Variants in SLC9A7 observed in about 807,000 individuals in gnomAD.
The protein encoded by SLC9A7 is sodium/hydrogen exchanger 7.
Under a neutral mutation model 52.6 loss-of-function variants are expected in SLC9A7, and 19 were observed. The observed-to-expected ratio is 0.36, with a 90% CI of 0.25 to 0.53. SLC9A7 has a LOEUF of 0.53. Among genes scored for constraint, SLC9A7 ranks in the 20% least tolerant of loss-of-function variants. The pLI, the probability that SLC9A7 is intolerant of heterozygous loss-of-function variation, is 0.91. For synonymous variants in SLC9A7, 226 were observed against 252.1 expected (o/e 0.90, Z 0.98); for missense variants, 455 against 597.9 (o/e 0.76, Z 2.49).
intron 1 of SLC9A7, among the ~76,000 whole-genome samples, chrX:46,700,090 G>A (rs6521139): frequency 0.24 from 25,216 of 105,812 alleles, 2,524 homozygotes; most frequent in East Asian, 0.55. Context: ...GAGTGACAGC[G>A]AAACCTTGTC....
rs187076669 is a variant in SLC9A7 at position 46,731,693 on chromosome X, T to A, written c.325+27012A>T. ...CAACAAACTTCTAAGAAGGAGGAAA[T>A]ACATAAGCAAAGCTAAAAAGGAAAA... is the stretch of plus-strand genomic sequence containing the variant. On this transcript the variant is annotated intron_variant, in intron 1 of 16. Transcript: ENST00000616978. 3.2e-4 allele frequency among the ~76,000 whole-genome samples: 35 copies of A among 109,736 alleles called. No homozygotes were observed. The East Asian group carries it at 8.5e-3, about 27-fold the overall frequency.
Position 46,605,263 on chromosome X carries a change from G to T in SLC9A7, c.*1689C>A, listed in dbSNP as rs142265439. On this transcript the variant is annotated 3_prime_UTR_variant, in exon 17 of 17. Transcript: ENST00000616978. ...TATTGAAAGCATTTTTTAGAAATTG[G>T]GTTGCCAAAAATAAGCTAGCACTGA... The T allele has an allele frequency of 1.8e-5, 2 of 110,428 alleles. No individual in the cohort carries two copies. Among genetic ancestry groups the T allele is most frequent in the Non-Finnish European group, 3.8e-5 (2 of 52,781 alleles). 9.1% of individuals were successfully genotyped at this position (110,428 alleles called of 1,213,427 possible).
chrX:46,616,339 C>A (rs779321689), intron 15 of SLC9A7, among the ~76,000 whole-genome samples: 1,229 of 98,486 alleles, frequency 0.012, 19 homozygotes, highest in African/African-American at 0.043. Flanking sequence ...CCCACCCCCC[C>A]AAAAAAAAAC....
At chrX:46,713,639 G>C (rs1023052617) in intron 1 of SLC9A7, among the ~76,000 whole-genome samples, 1 of 110,570 alleles carries the variant, frequency 9.0e-6, no homozygotes, top group Non-Finnish European at 1.9e-5. Context: ...TCAAGTTAGT[G>C]CCCTAGGTTC....
Position 46,662,082 on chromosome X carries a change from G to A in SLC9A7, c.975C>T (p.Gly325=), listed in dbSNP as rs1231106985. The change falls in exon 7 of 17, where the codon GGC becomes GGT. Residue 325 remains glycine, a synonymous_variant. Coordinates refer to ENST00000616978, the MANE Select transcript of SLC9A7 (RefSeq NM_001257291.2). ...FDAAAFFKSV[G]IFLGIFSGSF... The stretch of plus-strand genomic sequence containing the variant: ...AGCCACTAAATATACCTAGAAAAAT[G>A]CCAACTGACTTAAAAAAGGCAGCAG... The A allele has an allele frequency of 8.3e-7, 1 of 1,206,937 alleles. No individual in the cohort carries two copies.
At chrX:46,609,899 G>A (rs1412094042) in intron 16 of SLC9A7, among the ~76,000 whole-genome samples, 1 of 110,652 alleles carries the variant, frequency 9.0e-6, no homozygotes, top group Non-Finnish European at 1.9e-5. Flanking sequence ...ATAGTGGCAC[G>A]CAGCTGTAAT....
At chrX:46,668,037 G>A (rs1297691384) in intron 5 of SLC9A7, among the ~76,000 whole-genome samples, 1 of 111,757 alleles carries the variant, frequency 8.9e-6, no homozygotes, top group East Asian at 2.8e-4. Context: ...CCGCACAAAA[G>A]GAGTTTACAA....
intron 1 of SLC9A7, among the ~76,000 whole-genome samples, chrX:46,695,972 TTTAC>T (rs766780395): frequency 1.1e-5 from 1 of 90,173 alleles, no homozygotes; most frequent in African/African-American, 4.9e-5. Flanking sequence ...ACTTTATATT[TTTAC>T]TTATTTATTT....
intron 12 of SLC9A7, among the ~76,000 whole-genome samples, chrX:46,642,955 T>C (rs1943429502): frequency 8.9e-6 from 1 of 112,146 alleles, no homozygotes; most frequent in South Asian, 3.7e-4. Flanking sequence ...TTTAAATTTT[T>C]GCTCTAATGT....
chrX:46,604,424 A>T lies in SLC9A7; in HGVS notation c.*2528T>A, dbSNP rs1345883304. Reference sequence around the variant, plus strand: ...AAAAGGAAAGAGGAGAATAAAAATCATTCAACTGTATTTTTTTTTTTTTTT... The same window carrying T: ...AAAAGGAAAGAGGAGAATAAAAATCTTTCAACTGTATTTTTTTTTTTTTTT... On this transcript the variant is annotated 3_prime_UTR_variant, in exon 17 of 17. Transcript: ENST00000616978. 2 of 107,386 alleles carry T rather than the reference A, an allele frequency of 1.9e-5. No homozygotes were observed. The highest frequency in any genetic ancestry group is 7.0e-5 in the African/African-American group (2 of 28,579). The allele number at this position is 107,386 out of a possible 1,213,427, so 8.8% of individuals were successfully genotyped here.
chrX:46,716,958 A>G (rs940880628), intron 1 of SLC9A7, among the ~76,000 whole-genome samples: 2 of 111,804 alleles, frequency 1.8e-5, no homozygotes, highest in Non-Finnish European at 1.9e-5. Context: ...TCCTAGCCCT[A>G]CTTCTCCATT....
rs745686538 is a variant in SLC9A7 at position 46,673,893 on chromosome X, G to A, written c.604-1266C>T. 1.2e-4 allele frequency among the ~76,000 whole-genome samples: 13 copies of A among 112,447 alleles called. 1 individual carries two copies. The South Asian group carries it at 3.6e-3, about 31-fold the overall frequency. On this transcript the variant is annotated intron_variant, in intron 3 of 16. Coordinates refer to ENST00000616978, the MANE Select transcript of SLC9A7 (RefSeq NM_001257291.2). ...AGGGCTTGCCATGCTGACAGGCACC[G>A]AATGAGGGTGCTGCCTGTACATAAG...
intron 1 of SLC9A7, among the ~76,000 whole-genome samples, chrX:46,694,347 A>G (rs1182859109): frequency 9.0e-6 from 1 of 110,949 alleles, no homozygotes; most frequent in Non-Finnish European, 1.9e-5. Context: ...AACTGCAGAC[A>G]CATATTTGAT....
At chrX:46,645,271 T>C (rs1943470992) in intron 11 of SLC9A7, among the ~76,000 whole-genome samples, 1 of 112,329 alleles carries the variant, frequency 8.9e-6, no homozygotes, top group Admixed American at 9.4e-5. Context: ...TCCACTGGCA[T>C]ATTCCTAATA....
chrX:46,758,614 T>G, intron 1 of SLC9A7, 91 bp downstream of exon 1: 2 of 508,896 alleles, frequency 3.9e-6, no homozygotes, highest in Non-Finnish European at 3.0e-6. Flanking sequence ...ACGGAACACG[T>G]TGGCAAGTGA....
intron 2 of SLC9A7, 149 bp downstream of exon 2, chrX:46,682,187 A>G (rs1569516854): frequency 1.8e-6 from 1 of 546,559 alleles, no homozygotes; most frequent in East Asian, 3.6e-5. Flanking sequence ...TCTCCTCATC[A>G]TGGACCAAAA....
At chrX:46,691,587 G>C (rs955430385) in intron 1 of SLC9A7, among the ~76,000 whole-genome samples, 2 of 111,994 alleles carry the variant, frequency 1.8e-5, no homozygotes, top group African/African-American at 3.2e-5. Context: ...TTTATAAACT[G>C]TCAAAAGCTG....
intron 12 of SLC9A7, among the ~76,000 whole-genome samples, chrX:46,642,796 A>G (rs1943427147): frequency 8.9e-6 from 1 of 111,868 alleles, no homozygotes; most frequent in African/African-American, 3.2e-5. Flanking sequence ...GACAGCATAC[A>G]GCTTCATGCT....
chrX:46,734,148 A>C (rs1945085261), intron 1 of SLC9A7, among the ~76,000 whole-genome samples: 1 of 111,890 alleles, frequency 8.9e-6, no homozygotes, highest in Non-Finnish European at 1.9e-5. Flanking sequence ...GCTGCCATGC[A>C]GGTATGACAA....
Sources: allele counts gnomAD v4.1 joint callset (sites outside exome capture counted in the v4.1 genomes callset), GRCh38; gene constraint gnomAD v4.1.1; transcripts MANE v1.5; gene names NCBI Gene and HGNC (gene_info 2026-07-23, HGNC 2026-07-21).